Variants in PPP2R5D observed in about 807,000 individuals in gnomAD.
The protein encoded by PPP2R5D is protein phosphatase 2 regulatory subunit B'delta.
PPP2R5D carries 12 observed loss-of-function variants against 79.1 expected under a neutral mutation model. That is an observed-to-expected ratio of 0.15 (90% confidence interval 0.10 to 0.25). The LOEUF (loss-of-function observed/expected upper bound fraction) is 0.25. Among genes scored for constraint, PPP2R5D ranks in the 10% least tolerant of loss-of-function variants. The pLI, the probability that PPP2R5D is intolerant of heterozygous loss-of-function variation, is 1.00. For missense variants in PPP2R5D, 419 were observed against 760.2 expected (o/e 0.55, Z 5.28); for synonymous variants, 277 against 286.6 (o/e 0.97, Z 0.34).
chr6:43,008,809 C>T lies in PPP2R5D; in HGVS notation c.1080+63C>T. ...TGTCAGCATCACTTGCCAGTCTGTA[C>T]CTACTGGGGGTGCCATAAGGGGGAA... On this transcript the variant is annotated intron_variant, in intron 10 of 15. Coordinates refer to ENST00000485511, the MANE Select transcript of PPP2R5D (RefSeq NM_006245.4). This position sits in a 1 kb window ranked among gnomAD's most constrained non-coding sequence, Gnocchi z 4.2. The T allele has an allele frequency of 6.5e-7, 1 of 1,545,792 alleles. No homozygotes were observed. Among genetic ancestry groups the T allele is most frequent in the African/African-American group, 1.4e-5 (1 of 73,412 alleles).
chr6:43,006,590 C>T lies in PPP2R5D; in HGVS notation c.233C>T (p.Pro78Leu). ...AGCAAAATCAAGTACTCAGGGGGGC[C>T]CCAGATTGTCAAGAAGGAGCGACGG... ...QLSKIKYSGG[P>L]QIVKKERRQS... is the part of the protein sequence containing the mutation. The change falls in exon 3 of 16, where the codon CCC becomes CTC. Residue 78 changes from proline (P) to leucine (L), a missense_variant. Pro to Leu is a moderately conservative substitution (Grantham distance 98). Around this residue, in one of 5 missense-constraint regions of PPP2R5D, gnomAD observed 110 missense variants for 147.6 expected, o/e 0.75. Coordinates refer to ENST00000485511, the MANE Select transcript of PPP2R5D (RefSeq NM_006245.4). This position sits in a 1 kb window ranked among gnomAD's most constrained non-coding sequence, Gnocchi z 4.7. The T allele has an allele frequency of 6.2e-7, 1 of 1,614,066 alleles. No homozygotes were observed. Among genetic ancestry groups the T allele is most frequent in the Non-Finnish European group, 8.5e-7 (1 of 1,180,038 alleles).
intron 2 of PPP2R5D, among the ~76,000 whole-genome samples, chr6:42,999,199 T>C (rs1270088063): frequency 6.6e-6 from 1 of 152,196 alleles, no homozygotes; most frequent in Admixed American, 6.6e-5. Context: ...CCCAGGTGAA[T>C]GCACAAGTTA....
rs1334778360 is a variant in PPP2R5D at position 43,011,617 on chromosome 6, C to T, written c.*331C>T. ...AGTACACACAGGAATACATACGCTCCTCTATTCTTCCCTTCATCCTCATTT... is the reference window on the plus strand; with the variant it reads ...AGTACACACAGGAATACATACGCTCTTCTATTCTTCCCTTCATCCTCATTT... On this transcript the variant is annotated 3_prime_UTR_variant, in exon 16 of 16. Transcript: ENST00000485511. 8.8e-6 allele frequency: 3 copies of T among 340,436 alleles called. No homozygotes were observed. Among genetic ancestry groups the T allele is most frequent in the Admixed American group, 4.4e-5 (1 of 22,496 alleles). 21.1% of individuals were successfully genotyped at this position (340,436 alleles called of 1,614,324 possible).
chr6:43,009,275 C>A lies in PPP2R5D; in HGVS notation c.1252-47C>A. On this transcript the variant is annotated intron_variant, in intron 11 of 15. Coordinates refer to ENST00000485511, the MANE Select transcript of PPP2R5D (RefSeq NM_006245.4). This position sits in a 1 kb window ranked among gnomAD's most constrained non-coding sequence, Gnocchi z 5.6. ...CCTAGCCCCTGCCAGAAACTGAGGT[C>A]TTGAGTGAAATGAGCAGCACCCACC... 1 of 1,614,024 alleles carries A rather than the reference C, an allele frequency of 6.2e-7. No homozygotes were observed. The highest frequency in any genetic ancestry group is 1.1e-5 in the South Asian group (1 of 91,084).
Position 43,006,565 on chromosome 6 carries a change from A to G in PPP2R5D, c.208A>G (p.Ser70Gly). Residue 70 changes from serine (S) to glycine (G), a missense_variant, in exon 3 of 16, where the codon AGC becomes GGC. Physicochemically the swap from Ser to Gly is moderately conservative, Grantham distance 56. Coordinates refer to ENST00000485511, the MANE Select transcript of PPP2R5D (RefSeq NM_006245.4). The surrounding 1 kb of genome is among the most constrained non-coding windows in gnomAD (Gnocchi z 4.7). ...SNSTPPPTQL[S>G]KIKYSGGPQI... is the part of the protein sequence containing the mutation. ...TAGCACGCCGCCCCCCACGCAGCTC[A>G]GCAAAATCAAGTACTCAGGGGGGCC... is the stretch of plus-strand genomic sequence containing the variant. The G allele has an allele frequency of 6.2e-7, 1 of 1,614,100 alleles. No homozygotes were observed. Among genetic ancestry groups the G allele is most frequent in the Non-Finnish European group, 8.5e-7 (1 of 1,180,012 alleles).
intron 1 of PPP2R5D, among the ~76,000 whole-genome samples, chr6:42,986,754 C>T (rs3805948): frequency 0.098 from 14,842 of 151,816 alleles, 1,178 homozygotes; most frequent in African/African-American, 0.22. Flanking sequence ...GATACTGTCC[C>T]ATCCACAGAA....
chr6:43,011,132 TC>T lies in PPP2R5D; in HGVS notation c.1672-14del. 4 of 1,614,064 alleles carry T rather than the reference TC, an allele frequency of 2.5e-6. No homozygotes were observed. Among genetic ancestry groups the T allele is most frequent in the Non-Finnish European group, 3.4e-6 (4 of 1,179,954 alleles). On this transcript the variant is annotated splice_polypyrimidine_tract_variant and intron_variant, in intron 15 of 15. Coordinates refer to ENST00000485511, the MANE Select transcript of PPP2R5D (RefSeq NM_006245.4). ...GAATTGGTCACCATTCCTCACCTTG[TC>T]CCTATTCACACACAGATGCTAAAAG...
intron 2 of PPP2R5D, among the ~76,000 whole-genome samples, chr6:42,998,011 T>TAATATA (rs1189100610): frequency 2.6e-4 from 19 of 72,570 alleles, no homozygotes; most frequent in African/African-American, 1.6e-3. Flanking sequence ...TATTTGGGTT[T>TAATATA]TATTTATATA....
Position 43,007,361 on chromosome 6 carries a change from G to C in PPP2R5D, c.634-53G>C. On this transcript the variant is annotated intron_variant, in intron 5 of 15. Transcript: ENST00000485511. This position sits in a 1 kb window ranked among gnomAD's most constrained non-coding sequence, Gnocchi z 4.5. The stretch of plus-strand genomic sequence containing the variant: ...GGCTGCAGGGAGTGGGGCACTTGGA[G>C]GCCTGCAAGTCCTTGGGAACATCCC... 2.5e-6 allele frequency: 4 copies of C among 1,604,732 alleles called. No homozygotes were observed. Among genetic ancestry groups the C allele is most frequent in the Non-Finnish European group, 3.4e-6 (4 of 1,171,440 alleles).
chr6:43,006,348 G>A lies in PPP2R5D; in HGVS notation c.106-115G>A. ...TGGCCTTAGCTCCTTCGGGGCAGGA[G>A]ACAGCTGCTCACTGCCCAGGCCTGT... On this transcript the variant is annotated intron_variant, in intron 2 of 15. Transcript: ENST00000485511. This position sits in a 1 kb window ranked among gnomAD's most constrained non-coding sequence, Gnocchi z 4.7. 2.0e-6 allele frequency: 3 copies of A among 1,467,852 alleles called. No homozygotes were observed. Among genetic ancestry groups the A allele is most frequent in the African/African-American group, 1.4e-5 (1 of 70,852 alleles). 90.9% of individuals were successfully genotyped at this position (1,467,852 alleles called of 1,614,324 possible). A position where few individuals can be genotyped will look rare whatever the true frequency, so the allele number is the denominator to read the frequency against.
rs549346438 is a variant in PPP2R5D, at chr6:43,006,029, G to A, written c.106-434G>A. Among the ~76,000 whole-genome samples, 1 of 152,304 alleles carries A rather than the reference G, an allele frequency of 6.6e-6. No homozygotes were observed. The highest frequency in any genetic ancestry group is 2.4e-5 in the African/African-American group (1 of 41,580). ...TGCCATGCACCACCTTGCAGGTCCA[G>A]TCAAGATACAGGATGTTTACATTAC... On this transcript the variant is annotated intron_variant, in intron 2 of 15. Transcript: ENST00000485511. The surrounding 1 kb of genome is among the most constrained non-coding windows in gnomAD (Gnocchi z 4.7).
intron 2 of PPP2R5D, among the ~76,000 whole-genome samples, chr6:42,991,456 G>A (rs1771258791): frequency 1.3e-5 from 2 of 152,116 alleles, no homozygotes; most frequent in South Asian, 4.1e-4. Flanking sequence ...CCAGGACCTC[G>A]CGAGGGCTTC....
At chr6:42,997,491 C>T (rs1163334352) in intron 2 of PPP2R5D, among the ~76,000 whole-genome samples, 5 of 147,742 alleles carry the variant, frequency 3.4e-5, no homozygotes, top group African/African-American at 1.3e-4. Flanking sequence ...TGTGCCTGGC[C>T]GTTTTTATTT....
rs565502988 is a variant in PPP2R5D, at chr6:43,009,301, G to A, written c.1252-21G>A. On this transcript the variant is annotated intron_variant, in intron 11 of 15. Transcript: ENST00000485511. The surrounding 1 kb of genome is among the most constrained non-coding windows in gnomAD (Gnocchi z 5.6). ...TTGAGTGAAATGAGCAGCACCCACCGAGTCTGCCTCTCCCCACCAGGTGGC... is the reference window on the plus strand; with the variant it reads ...TTGAGTGAAATGAGCAGCACCCACCAAGTCTGCCTCTCCCCACCAGGTGGC... 19 of 1,614,062 alleles carry A rather than the reference G, an allele frequency of 1.2e-5. 1 individual carries two copies. The highest frequency in any genetic ancestry group is 1.1e-4 in the African/African-American group (8 of 75,018).
chr6:42,997,141 G>A (rs957212332), intron 2 of PPP2R5D, among the ~76,000 whole-genome samples: 2 of 151,096 alleles, frequency 1.3e-5, no homozygotes, highest in Non-Finnish European at 2.9e-5. Flanking sequence ...GATTACAGGC[G>A]CCCGCTACCA....
chr6:42,992,625 G>C (rs537803741), intron 2 of PPP2R5D, among the ~76,000 whole-genome samples: 92 of 152,006 alleles, frequency 6.1e-4, no homozygotes, highest in Non-Finnish European at 1.1e-3. Flanking sequence ...ACCAGCCTGG[G>C]CAACATACAG....
intron 2 of PPP2R5D, among the ~76,000 whole-genome samples, chr6:42,990,676 C>G (rs1263121988): frequency 6.7e-6 from 1 of 148,650 alleles, no homozygotes; most frequent in Non-Finnish European, 1.5e-5. Flanking sequence ...TTATTCTTTC[C>G]TCTGCACTTA....
rs200630341 is a variant in PPP2R5D, at chr6:43,007,132, A to G, written c.522+22A>G. On this transcript the variant is annotated intron_variant, in intron 4 of 15. Coordinates refer to ENST00000485511, the MANE Select transcript of PPP2R5D (RefSeq NM_006245.4). This position sits in a 1 kb window ranked among gnomAD's most constrained non-coding sequence, Gnocchi z 4.5. The stretch of plus-strand genomic sequence containing the variant: ...CATGGTGGGCACAGGGAAAGGACAC[A>G]GGGGGGACTGGTGAGGGGCTCTGGA... 6.6e-5 allele frequency: 105 copies of G among 1,600,582 alleles called. 1 individual carries two copies. The African/African-American group carries it at 1.2e-3, about 18-fold the overall frequency.
At chr6:42,997,320 G>A (rs1771769676) in intron 2 of PPP2R5D, among the ~76,000 whole-genome samples, 1 of 151,686 alleles carries the variant, frequency 6.6e-6, no homozygotes, top group Admixed American at 6.6e-5. Context: ...AGCCTCCTGA[G>A]TAGCTGGTAT....
Sources: gnomAD v4.1 joint callset for allele counts (sites outside exome capture counted in the v4.1 genomes callset) on GRCh38, gnomAD v4.1.1 for gene constraint, gnomAD v4.1.1 regional missense constraint, Gnocchi (gnomAD v3.1) non-coding constraint, MANE v1.5 for transcripts, NCBI Gene and HGNC (gene_info 2026-07-23, HGNC 2026-07-21) for gene names.